RBFOX1: variants seen among roughly 807,000 people sequenced by gnomAD.
RBFOX1 encodes RNA binding protein fox-1 homolog 1.
In RBFOX1, 8 loss-of-function variants were observed where a neutral mutation model predicts 57.7. The observed-to-expected ratio is 0.14, with a 90% confidence interval of 0.08 to 0.25. The LOEUF is 0.25. RBFOX1 is among the 10% of genes least tolerant of loss of function. The pLI, the probability that RBFOX1 is intolerant of heterozygous loss-of-function variation, is 1.00. For synonymous variants in RBFOX1, 326 were observed against 222.4 expected (o/e 1.47, Z -4.15); for missense variants, 611 against 548.5 (o/e 1.11, Z -1.14).
At chr16:7,419,105 G>A (rs1433681357) in intron 4 of RBFOX1, among the ~76,000 whole-genome samples, 3 of 151,880 alleles carry the variant, frequency 2.0e-5, no homozygotes, top group Non-Finnish European at 4.4e-5. Flanking sequence ...ACAGGGTTTC[G>A]CCATGTTTCC....
intron 11 of RBFOX1, among the ~76,000 whole-genome samples, chr16:7,632,437 C>T (rs1385986509): frequency 6.6e-6 from 1 of 152,106 alleles, no homozygotes; most frequent in East Asian, 1.9e-4. Context: ...GTGTATTCCT[C>T]TCAAAACCAG....
chr16:5,905,404 G>A (rs1296667576), intron 4 of RBFOX1, among the ~76,000 whole-genome samples: 1 of 151,968 alleles, frequency 6.6e-6, no homozygotes, highest in East Asian at 1.9e-4. Context: ...ACATATAGAG[G>A]GAAGCCCATG....
At chr16:6,800,534 G>A (rs1023761480) in intron 3 of RBFOX1, among the ~76,000 whole-genome samples, 5 of 152,132 alleles carry the variant, frequency 3.3e-5, no homozygotes, top group East Asian at 3.9e-4. Flanking sequence ...CCGCCCTTCC[G>A]TGCACGCTAC....
At chr16:5,674,954 C>T (rs187964569) in intron 3 of RBFOX1, among the ~76,000 whole-genome samples, 23 of 152,172 alleles carry the variant, frequency 1.5e-4, no homozygotes, top group Admixed American at 8.5e-4. Flanking sequence ...TGAAACCAGC[C>T]TGGACAACAC....
At chr16:7,354,621 C>A (rs937594593) in intron 4 of RBFOX1, among the ~76,000 whole-genome samples, 3 of 152,152 alleles carry the variant, frequency 2.0e-5, no homozygotes, top group Admixed American at 1.3e-4. Context: ...TATTACCGTG[C>A]CCAATTTTTG....
intron 1 of RBFOX1, among the ~76,000 whole-genome samples, chr16:6,202,449 C>G (rs749240601): frequency 6.6e-6 from 1 of 151,878 alleles, no homozygotes; most frequent in East Asian, 1.9e-4. Flanking sequence ...AGGAGGACAC[C>G]GAGGCTTGGA....
At chr16:7,537,315 C>T (rs1426004774) in intron 5 of RBFOX1, among the ~76,000 whole-genome samples, 1 of 152,166 alleles carries the variant, frequency 6.6e-6, no homozygotes, top group African/African-American at 2.4e-5. Context: ...GTATTCACAC[C>T]TGTGGACTTT....
chr16:7,423,350 A>G (rs1039251359), intron 4 of RBFOX1, among the ~76,000 whole-genome samples: 1 of 151,586 alleles, frequency 6.6e-6, no homozygotes, highest in South Asian at 2.1e-4. Context: ...AAAAATATAA[A>G]AAGTTGTGGG....
intron 1 of RBFOX1, among the ~76,000 whole-genome samples, chr16:5,345,630 TGCTCGTTGG>T (rs1166772222): frequency 6.6e-6 from 1 of 152,220 alleles, no homozygotes; most frequent in Non-Finnish European, 1.5e-5. Flanking sequence ...CATTTGGCCG[TGCTCGTTGG>T]GCTTCTTAAA....
intron 1 of RBFOX1, among the ~76,000 whole-genome samples, chr16:6,021,297 G>A (rs2095071245): frequency 6.6e-6 from 1 of 151,972 alleles, no homozygotes; most frequent in South Asian, 2.1e-4. Context: ...TCCCTTCCCT[G>A]CCCCCTGTCC....
intron 2 of RBFOX1, among the ~76,000 whole-genome samples, chr16:6,444,461 G>T (rs1021144265): frequency 6.6e-6 from 1 of 152,116 alleles, no homozygotes; most frequent in Non-Finnish European, 1.5e-5. Flanking sequence ...TGCTGTTCTT[G>T]TGATAATGAA....
At chr16:7,676,598 C>T (rs1253667466) in intron 13 of RBFOX1, among the ~76,000 whole-genome samples, 176 bp from the exon 14 acceptor site, 2 of 152,082 alleles carry the variant, frequency 1.3e-5, no homozygotes, top group African/African-American at 2.4e-5. Flanking sequence ...GGTTGGTATT[C>T]CACCCCTTGT....
chr16:6,304,856 G>C (rs1241893870), intron 1 of RBFOX1, among the ~76,000 whole-genome samples: 1 of 124,918 alleles, frequency 8.0e-6, no homozygotes, highest in Non-Finnish European at 1.6e-5. Flanking sequence ...CAGACTGGGT[G>C]ACACAGTGAG....
intron 2 of RBFOX1, among the ~76,000 whole-genome samples, chr16:6,633,399 T>A (rs1451816980): frequency 1.3e-5 from 2 of 152,184 alleles, no homozygotes; most frequent in African/African-American, 4.8e-5. Context: ...TGCCTCAGCC[T>A]CCCAAGTAGC....
chr16:7,013,430 T>G (rs2093748132), intron 3 of RBFOX1, among the ~76,000 whole-genome samples: 2 of 152,168 alleles, frequency 1.3e-5, no homozygotes, highest in Admixed American at 1.3e-4. Flanking sequence ...CATGTTTGGT[T>G]GCTACGACTG....
chr16:5,861,304 T>C (rs2057207849), intron 3 of RBFOX1, among the ~76,000 whole-genome samples: 1 of 152,188 alleles, frequency 6.6e-6, no homozygotes, highest in Non-Finnish European at 1.5e-5. Context: ...CAGGTGACTA[T>C]GTGACTGAGC....
At chr16:7,234,039 C>A (rs2093642771) in intron 4 of RBFOX1, among the ~76,000 whole-genome samples, 1 of 152,128 alleles carries the variant, frequency 6.6e-6, no homozygotes, top group African/African-American at 2.4e-5. Flanking sequence ...CAAGGAGTTA[C>A]ATTATCATGA....
chr16:5,288,445 A>G (rs920040545), intron 1 of RBFOX1, among the ~76,000 whole-genome samples: 3 of 152,176 alleles, frequency 2.0e-5, no homozygotes, highest in African/African-American at 7.2e-5. Flanking sequence ...TTCCCCAGAC[A>G]GGTACTTTGC....
At chr16:7,090,602 A>C (rs1434416051) in intron 4 of RBFOX1, among the ~76,000 whole-genome samples, 2 of 152,176 alleles carry the variant, frequency 1.3e-5, no homozygotes, top group African/African-American at 4.8e-5. Context: ...TTCTTTAAGA[A>C]GGTTTTCCTA....
Sources: gnomAD v4.1 joint callset for allele counts (sites outside exome capture counted in the v4.1 genomes callset) on GRCh38, gnomAD v4.1.1 for gene constraint, MANE v1.5 for transcripts, NCBI Gene and HGNC (gene_info 2026-07-23, HGNC 2026-07-21) for gene names.